The following DMD variants were observed in gnomAD, a reference collection of about 807,000 sequenced individuals.
The protein encoded by DMD is dystrophin, also known as mutant dystrophin.
DMD carries 63 observed loss-of-function variants against 330.1 expected under a neutral mutation model. That is an observed-to-expected ratio of 0.19 (90% CI 0.16 to 0.24). DMD has a LOEUF of 0.24. DMD is among the 10% of genes least tolerant of loss of function. The pLI, the probability that DMD is intolerant of heterozygous loss-of-function variation, is 1.00. For synonymous variants in DMD, 1,223 were observed against 959.8 expected (o/e 1.27, Z -5.07); for missense variants, 3,344 against 2,684.1 (o/e 1.25, Z -5.43).
intron 66 of DMD, among the ~76,000 whole-genome samples, chrX:31,206,288 G>A (rs968745527): frequency 8.9e-6 from 1 of 112,451 alleles, no homozygotes; most frequent in African/African-American, 3.2e-5. Context: ...ACAGAAAGAG[G>A]TTAGAAAATC....
intron 1 of DMD, among the ~76,000 whole-genome samples, chrX:33,073,152 G>C (rs1050356869): frequency 9.0e-6 from 1 of 111,693 alleles, no homozygotes; most frequent in South Asian, 3.7e-4. Context: ...TATACCAATT[G>C]TTCAGTTTTG....
chrX:32,847,460 A>C lies in DMD; in HGVS notation c.186+2268T>G, dbSNP rs1197197794. 2.7e-5 allele frequency among the ~76,000 whole-genome samples: 3 copies of C among 112,153 alleles called. No homozygotes were observed. In the East Asian group the frequency reaches 8.4e-4, roughly 31 times the overall value. ...CAGATGCTTCTGAGTAGAATACTAA[A>C]ATTTCTGTTCTATAGTATACATGCC... On this transcript the variant is annotated intron_variant, in intron 3 of 78. Coordinates refer to ENST00000357033, the MANE Select transcript of DMD (RefSeq NM_004006.3).
At chrX:32,924,923 T>A (rs2088822466) in intron 2 of DMD, among the ~76,000 whole-genome samples, 1 of 110,694 alleles carries the variant, frequency 9.0e-6, no homozygotes, top group Non-Finnish European at 1.9e-5. Flanking sequence ...ATGTGTAAAT[T>A]TTTAGCATAA....
At chrX:32,408,079 T>A (rs1417448378) in intron 30 of DMD, among the ~76,000 whole-genome samples, 2 of 110,164 alleles carry the variant, frequency 1.8e-5, no homozygotes, top group Non-Finnish European at 3.8e-5. Context: ...CATATGCAAC[T>A]AACCTGCACG....
intron 62 of DMD, among the ~76,000 whole-genome samples, chrX:31,289,393 T>C (rs1197419387): frequency 7.2e-5 from 8 of 110,978 alleles, no homozygotes; most frequent in Admixed American, 4.8e-4. Context: ...GTTCTGTTCG[T>C]TGTAAATGGA....
At chrX:32,042,204 C>G (rs1229722545) in intron 44 of DMD, among the ~76,000 whole-genome samples, 1 of 99,786 alleles carries the variant, frequency 1.0e-5, no homozygotes, top group Non-Finnish European at 2.0e-5. Flanking sequence ...CACACACACA[C>G]ATACACATAC....
In DMD at chrX:33,172,398, T is replaced by G. The variant is rs191960363; in HGVS notation, c.31+38884A>C. 3.6e-5 allele frequency among the ~76,000 whole-genome samples: 4 copies of G among 111,851 alleles called. No individual in the cohort carries two copies. The East Asian group carries it at 1.1e-3, about 32-fold the overall frequency. ...GCCATAAACAGGGGCTAAAATTTCA[T>G]CCATCTTTCCATTTCCACCAATGGA... On this transcript the variant is annotated intron_variant, in intron 1 of 78. Transcript: ENST00000357033.
chrX:31,930,244 T>G (rs779066451), intron 46 of DMD, among the ~76,000 whole-genome samples: 6 of 111,151 alleles, frequency 5.4e-5, no homozygotes, highest in Non-Finnish European at 1.1e-4. Flanking sequence ...TAGTTTATCT[T>G]CATATTATAA....
chrX:32,294,074 T>A (rs1438903865), intron 42 of DMD, among the ~76,000 whole-genome samples: 1 of 111,941 alleles, frequency 8.9e-6, no homozygotes, highest in Non-Finnish European at 1.9e-5. Context: ...TGGCTGCTTC[T>A]GTTAACTTGC....
intron 47 of DMD, among the ~76,000 whole-genome samples, chrX:31,885,739 T>A (rs1267666432): frequency 9.0e-6 from 1 of 110,884 alleles, no homozygotes; most frequent in African/African-American, 3.3e-5. Flanking sequence ...TTAGTATCAT[T>A]AAAGCAATAT....
intron 7 of DMD, among the ~76,000 whole-genome samples, chrX:32,786,557 T>C (rs889354753): frequency 1.3e-4 from 14 of 111,882 alleles, no homozygotes; most frequent in Non-Finnish European, 1.9e-4. Context: ...GTAAAAAGAA[T>C]TCAGTATCCC....
intron 7 of DMD, among the ~76,000 whole-genome samples, chrX:32,797,038 T>G (rs2076231468): frequency 8.9e-6 from 1 of 112,408 alleles, no homozygotes; most frequent in Admixed American, 9.4e-5. Flanking sequence ...AAAACATATG[T>G]ACCAACCTAA....
chrX:31,480,725 A>G (rs909662044), intron 57 of DMD, among the ~76,000 whole-genome samples: 1 of 111,101 alleles, frequency 9.0e-6, no homozygotes, highest in African/African-American at 3.3e-5. Flanking sequence ...TACTAATTAT[A>G]AAAATAATAA....
At chrX:32,976,853 T>TTA (rs780531135) in intron 2 of DMD, among the ~76,000 whole-genome samples, 20 of 111,790 alleles carry the variant, frequency 1.8e-4, no homozygotes, top group Middle Eastern at 4.6e-3. Flanking sequence ...TTTTAGAATT[T>TTA]TATATATATA....
intron 2 of DMD, among the ~76,000 whole-genome samples, chrX:32,935,238 A>T (rs1317591612): frequency 1.8e-5 from 2 of 112,668 alleles, no homozygotes; most frequent in Non-Finnish European, 3.8e-5. Flanking sequence ...TCGGCCTCCC[A>T]AAGTGCTGGG....
chrX:32,831,648 ACGTGTGTGTGTGTGTG>A (rs1313163380), intron 4 of DMD, among the ~76,000 whole-genome samples: 2 of 60,782 alleles, frequency 3.3e-5, no homozygotes, highest in Non-Finnish European at 5.9e-5. Context: ...TAAGATATTT[ACGTGTGTGTGTGTGTG>A]TGTGTGTGTG....
chrX:32,835,525 G>A (rs2079538958), intron 4 of DMD, among the ~76,000 whole-genome samples: 1 of 112,494 alleles, frequency 8.9e-6, no homozygotes, highest in South Asian at 3.6e-4. Context: ...CTCAATAAGT[G>A]GCTTTCCAAA....
At chrX:32,910,311 G>A (rs769776311) in intron 2 of DMD, among the ~76,000 whole-genome samples, 2 of 111,586 alleles carry the variant, frequency 1.8e-5, no homozygotes, top group African/African-American at 6.5e-5. Context: ...TCTTATGTAT[G>A]GTATGTCTAA....
chrX:31,171,682 T>C (rs1193983634), intron 73 of DMD, among the ~76,000 whole-genome samples: 1 of 111,436 alleles, frequency 9.0e-6, no homozygotes, highest in East Asian at 2.8e-4. Context: ...CCTCACTCTA[T>C]AATGAAGCCT....
Sources: allele counts gnomAD v4.1 joint callset (sites outside exome capture counted in the v4.1 genomes callset), GRCh38; gene constraint gnomAD v4.1.1; transcripts MANE v1.5; gene names NCBI Gene and HGNC (gene_info 2026-07-23, HGNC 2026-07-21).